ADGB: variants seen among roughly 807,000 people sequenced by gnomAD.
The protein encoded by ADGB is calpain-7-like protein.
In ADGB, 172 loss-of-function variants were observed where a neutral mutation model predicts 210.5. The ratio of observed to expected loss-of-function variants is 0.82; its 90% CI spans 0.72 to 0.93. The LOEUF (loss-of-function observed/expected upper bound fraction) is 0.93, where lower values mean the gene tolerates loss of function less well. ADGB is among the 40% of genes least tolerant of loss of function. The pLI is 0.00. For synonymous variants in ADGB, 658 were observed against 662.7 expected (o/e 0.99, Z 0.11); for missense variants, 2,025 against 1,964.8 (o/e 1.03, Z -0.58).
Position 146,656,783 on chromosome 6 carries a change from A to G in ADGB, c.415A>G (p.Ile139Val). The change falls in exon 5 of 36, where the codon ATT becomes GTT. Residue 139 changes from isoleucine to valine, a missense_variant. Physicochemically the swap from Ile to Val is conservative, Grantham distance 29. Transcript: ENST00000397944. ...HLLCSELMRW[I>V]ISEIYAVWKI... is the part of the protein sequence containing the mutation. Reference sequence around the variant, plus strand: ...TTTTTATCTCTAGCTGATGAGATGGATTATCAGTGAAATCTATGCAGTGTG... The same window carrying G: ...TTTTTATCTCTAGCTGATGAGATGGGTTATCAGTGAAATCTATGCAGTGTG... The G allele has an allele frequency of 6.5e-7, 1 of 1,536,946 alleles. No homozygotes were observed. The highest frequency in any genetic ancestry group is 8.8e-7 in the Non-Finnish European group (1 of 1,139,546).
chr6:146,650,663 C>A lies in ADGB; in HGVS notation c.331-3472C>A, dbSNP rs977725931. 3.0e-5 allele frequency among the ~76,000 whole-genome samples: 4 copies of A among 133,612 alleles called. No homozygotes were observed. The Admixed American group carries it at 3.2e-4, about 11-fold the overall frequency. The allele number at this position is 133,612 out of a possible 152,430, so 87.7% of individuals were successfully genotyped here. A position where few individuals can be genotyped will look rare whatever the true frequency, so the allele number is the denominator to read the frequency against. ...GGGGCCAGGATTTTGGAAATAGTTT[C>A]TCCCCTAGTGAGGAGAGGAGAAGCC... On this transcript the variant is annotated intron_variant, in intron 3 of 35. Coordinates refer to ENST00000397944, the MANE Select transcript of ADGB (RefSeq NM_024694.4).
chr6:146,743,457 T>G (rs1777186434), intron 25 of ADGB, among the ~76,000 whole-genome samples: 1 of 152,178 alleles, frequency 6.6e-6, no homozygotes, highest in Admixed American at 6.5e-5. Context: ...AAACTTGAAT[T>G]TTTCGGATAG....
chr6:146,717,122 G>A, intron 15 of ADGB, 53 bp downstream of exon 15: 1 of 1,378,976 alleles, frequency 7.3e-7, no homozygotes, highest in African/African-American at 1.5e-5. Context: ...TAAACCCTGA[G>A]CTGCATTAGT....
chr6:146,703,274 T>C (rs564834714), intron 13 of ADGB, among the ~76,000 whole-genome samples: 12 of 151,976 alleles, frequency 7.9e-5, no homozygotes, highest in Non-Finnish European at 1.6e-4. Flanking sequence ...AAAAAATATA[T>C]GCATTTATAG....
At chr6:146,666,636 T>C (rs1162445426) in intron 6 of ADGB, among the ~76,000 whole-genome samples, 180 bp from the exon 7 acceptor site, 1 of 152,040 alleles carries the variant, frequency 6.6e-6, no homozygotes, top group Non-Finnish European at 1.5e-5. Flanking sequence ...AAATTAATTA[T>C]ATTATAAATC....
chr6:146,640,962 G>T (rs1001840890), intron 2 of ADGB, among the ~76,000 whole-genome samples: 1 of 151,904 alleles, frequency 6.6e-6, no homozygotes, highest in Non-Finnish European at 1.5e-5. Flanking sequence ...AGGAAGAGAA[G>T]AAATCAAACA....
intron 29 of ADGB, among the ~76,000 whole-genome samples, chr6:146,779,830 C>G (rs1167835834): frequency 6.8e-6 from 1 of 147,358 alleles, no homozygotes; most frequent in African/African-American, 2.5e-5. Flanking sequence ...CAAACTTGCC[C>G]TACAAAAGTA....
intron 35 of ADGB, among the ~76,000 whole-genome samples, 173 bp from the exon 36 acceptor site, chr6:146,814,857 CTA>C (rs1399349543): frequency 1.3e-5 from 2 of 152,070 alleles, no homozygotes; most frequent in African/African-American, 2.4e-5. Context: ...GATTTTGTCG[CTA>C]TGTTTTGTGT....
chr6:146,770,013 C>T (rs1777628693), intron 29 of ADGB, among the ~76,000 whole-genome samples: 1 of 152,104 alleles, frequency 6.6e-6, no homozygotes, highest in Admixed American at 6.6e-5. Context: ...TTATATTCCT[C>T]TATTAGAATG....
At chr6:146,809,879 TCTC>T (rs1275823924) in intron 35 of ADGB, among the ~76,000 whole-genome samples, 1 of 151,880 alleles carries the variant, frequency 6.6e-6, no homozygotes, top group Non-Finnish European at 1.5e-5. Flanking sequence ...ACAGAAAAAA[TCTC>T]CTTGACATTG....
chr6:146,671,182 TA>T (rs1384002940), intron 7 of ADGB, among the ~76,000 whole-genome samples: 2 of 152,178 alleles, frequency 1.3e-5, no homozygotes, highest in African/African-American at 4.8e-5. Flanking sequence ...CAGATGTCAC[TA>T]AGGGATTGTA....
intron 17 of ADGB, 71 bp downstream of exon 17, chr6:146,721,576 G>A (rs373261912): frequency 7.3e-5 from 19 of 258,738 alleles, no homozygotes; most frequent in East Asian, 1.3e-4. Flanking sequence ...GGTGGCTCAC[G>A]CCTGTAATCC....
chr6:146,747,273 C>T (rs1342411871), intron 26 of ADGB, among the ~76,000 whole-genome samples: 2 of 152,198 alleles, frequency 1.3e-5, no homozygotes, highest in Non-Finnish European at 2.9e-5. Context: ...TATGTGTATT[C>T]CCCAGAAGGA....
chr6:146,665,842 T>A (rs1775931421), intron 6 of ADGB, among the ~76,000 whole-genome samples: 3 of 152,030 alleles, frequency 2.0e-5, no homozygotes, highest in Non-Finnish European at 4.4e-5. Flanking sequence ...GCTTACTACA[T>A]TTTCCAAATT....
chr6:146,697,264 G>A (rs113881122), intron 12 of ADGB, among the ~76,000 whole-genome samples: 2,855 of 152,260 alleles, frequency 0.019, 76 homozygotes, highest in African/African-American at 0.057. Flanking sequence ...GGTGTATTGG[G>A]TGATATGAGT....
intron 33 of ADGB, among the ~76,000 whole-genome samples, chr6:146,789,641 C>T (rs1262981638): frequency 6.6e-6 from 1 of 152,178 alleles, no homozygotes; most frequent in East Asian, 1.9e-4. Flanking sequence ...TTTGAAAGTA[C>T]ATGCCCATTC....
At chr6:146,610,973 A>T (rs937443728) in intron 1 of ADGB, among the ~76,000 whole-genome samples, 1 of 152,082 alleles carries the variant, frequency 6.6e-6, no homozygotes, top group East Asian at 1.9e-4. Context: ...CAGTGCTGGC[A>T]GTAGGGTGGC....
chr6:146,806,289 A>G (rs906621674), intron 35 of ADGB, among the ~76,000 whole-genome samples: 4 of 152,234 alleles, frequency 2.6e-5, no homozygotes, highest in Non-Finnish European at 4.4e-5. Flanking sequence ...TAAGAGAAAC[A>G]TGATCAATAA....
chr6:146,782,580 G>A (rs2114644560), intron 30 of ADGB, among the ~76,000 whole-genome samples: 1 of 152,222 alleles, frequency 6.6e-6, no homozygotes, highest in Non-Finnish European at 1.5e-5. Flanking sequence ...CTTCCAGGAG[G>A]AACTGAGTTC....
Sources: gnomAD v4.1 joint callset for allele counts (sites outside exome capture counted in the v4.1 genomes callset) on GRCh38, gnomAD v4.1.1 for gene constraint, MANE v1.5 for transcripts, NCBI Gene and HGNC (gene_info 2026-07-23, HGNC 2026-07-21) for gene names.